The following FNBP1L variants were observed in gnomAD, a reference collection of about 807,000 sequenced individuals.
FNBP1L encodes formin binding protein 1 like.
In FNBP1L, 36 loss-of-function variants were observed where a neutral mutation model predicts 91.2. The ratio of observed to expected loss-of-function variants is 0.39; its 90% CI spans 0.30 to 0.52. The LOEUF is 0.52. FNBP1L is among the 20% of genes least tolerant of loss of function. The pLI, the probability that FNBP1L is intolerant of heterozygous loss-of-function variation, is 0.66. For synonymous variants in FNBP1L, 242 were observed against 237.0 expected, an observed-to-expected ratio of 1.02 and a Z score of -0.19; for missense variants, 571 against 732.1, an observed-to-expected ratio of 0.78 and a Z score of 2.54.
intron 3 of FNBP1L, among the ~76,000 whole-genome samples, chr1:93,522,865 A>AATGGG (rs1671377092): frequency 6.6e-6 from 1 of 152,290 alleles, no homozygotes; most frequent in South Asian, 2.1e-4. Context: ...TGTCAACTAT[A>AATGGG]ATGGCACTTC....
At chr1:93,495,630 C>T (rs549532229) in intron 1 of FNBP1L, among the ~76,000 whole-genome samples, 104 of 152,176 alleles carry the variant, frequency 6.8e-4, no homozygotes, top group African/African-American at 2.4e-3. Flanking sequence ...GGCTATTTAT[C>T]TTCTGGCTGT....
At chr1:93,483,080 C>T (rs1358123211) in intron 1 of FNBP1L, among the ~76,000 whole-genome samples, 1 of 150,320 alleles carries the variant, frequency 6.7e-6, no homozygotes. Flanking sequence ...CCTGTAGTCC[C>T]AGCTACTCAG....
chr1:93,554,593 C>G lies in FNBP1L; in HGVS notation c.*2177C>G, dbSNP rs1474369813. On this transcript the variant is annotated 3_prime_UTR_variant, in exon 17 of 17. Coordinates refer to ENST00000271234, the MANE Select transcript of FNBP1L (RefSeq NM_001164473.3). ...GTTGATTTCTTAATGGTAAATCCTT[C>G]ATTTAAAGATAGTGTTCTCTGTTGA... 1 of 152,552 alleles carries G rather than the reference C, an allele frequency of 6.6e-6. No individual in the cohort carries two copies. 9.4% of individuals were successfully genotyped at this position (152,552 alleles called of 1,614,324 possible).
chr1:93,546,119 C>T lies in FNBP1L; in HGVS notation c.1275-723C>T, dbSNP rs547641260. Among the ~76,000 whole-genome samples, 72 of 152,126 alleles carry T rather than the reference C, an allele frequency of 4.7e-4. 1 individual carries two copies. The highest frequency in any genetic ancestry group is 1.4e-3 in the Admixed American group (21 of 15,278). On this transcript the variant is annotated intron_variant, in intron 12 of 16. Coordinates refer to ENST00000271234, the MANE Select transcript of FNBP1L (RefSeq NM_001164473.3). ...ACTGTAGGAAGAGACGAGAAGAAAC[C>T]TTTGTCATTTTATGTAATACACATT...
At chr1:93,449,701 G>A (rs1168871245) in intron 1 of FNBP1L, among the ~76,000 whole-genome samples, 1 of 152,086 alleles carries the variant, frequency 6.6e-6, no homozygotes, top group Non-Finnish European at 1.5e-5. Context: ...CCTTCATTCC[G>A]TTTCTTAGAT....
chr1:93,490,060 A>G (rs866469832), intron 1 of FNBP1L, among the ~76,000 whole-genome samples: 6 of 152,338 alleles, frequency 3.9e-5, no homozygotes, highest in Middle Eastern at 3.4e-3. Context: ...GTTTTTTACC[A>G]AAAAGTACTT....
chr1:93,450,099 TTG>T (rs1388591760), intron 1 of FNBP1L, among the ~76,000 whole-genome samples: 1 of 152,172 alleles, frequency 6.6e-6, no homozygotes, highest in African/African-American at 2.4e-5. Context: ...AAAATTCACT[TTG>T]TATCACACTA....
chr1:93,550,351 A>G (rs1420300473), intron 15 of FNBP1L, among the ~76,000 whole-genome samples: 1 of 152,132 alleles, frequency 6.6e-6, no homozygotes, highest in Non-Finnish European at 1.5e-5. Context: ...CTATAATGTA[A>G]TCTAGAGAGT....
rs138589293 is a variant in FNBP1L, at chr1:93,529,909, A to C, written c.510+153A>C. Among the ~76,000 whole-genome samples, 348 of 152,292 alleles carry C rather than the reference A, an allele frequency of 2.3e-3. 2 individuals are homozygous for C. The highest frequency in any genetic ancestry group is 7.9e-3 in the African/African-American group (327 of 41,588). ...TACAAATATTTGCCAACTTTAAATTATACGTATTGGTCTGAGAAAGTAATA... is the reference window on the plus strand; with the variant it reads ...TACAAATATTTGCCAACTTTAAATTCTACGTATTGGTCTGAGAAAGTAATA... On this transcript the variant is annotated intron_variant, in intron 6 of 16. Coordinates refer to ENST00000271234, the MANE Select transcript of FNBP1L (RefSeq NM_001164473.3).
At chr1:93,550,687 C>T (rs574072488) in intron 15 of FNBP1L, among the ~76,000 whole-genome samples, 1 of 152,330 alleles carries the variant, frequency 6.6e-6, no homozygotes, top group African/African-American at 2.4e-5. Flanking sequence ...TGTAATGTCA[C>T]TGTGACTCAG....
intron 1 of FNBP1L, among the ~76,000 whole-genome samples, chr1:93,461,742 A>G (rs1401915209): frequency 6.6e-6 from 1 of 152,248 alleles, no homozygotes; most frequent in South Asian, 2.1e-4. Flanking sequence ...AGCAAAGAAT[A>G]TAAGATCTCT....
At chr1:93,478,927 G>C (rs141914137) in intron 1 of FNBP1L, among the ~76,000 whole-genome samples, 101 of 152,268 alleles carry the variant, frequency 6.6e-4, no homozygotes, top group Non-Finnish European at 1.4e-3. Context: ...GATACTTAAT[G>C]ATTTGACACA....
intron 1 of FNBP1L, among the ~76,000 whole-genome samples, chr1:93,471,094 A>G (rs1452168637): frequency 6.6e-6 from 1 of 152,190 alleles, no homozygotes; most frequent in Non-Finnish European, 1.5e-5. Flanking sequence ...TATTGTAGCT[A>G]CAAGTTGAGT....
chr1:93,469,625 C>T (rs1192609128), intron 1 of FNBP1L, among the ~76,000 whole-genome samples: 2 of 152,026 alleles, frequency 1.3e-5, no homozygotes, highest in African/African-American at 4.8e-5. Flanking sequence ...TGAATGTTCA[C>T]CATAAATTTC....
chr1:93,471,381 TA>T (rs1669280768), intron 1 of FNBP1L, among the ~76,000 whole-genome samples: 1 of 152,192 alleles, frequency 6.6e-6, no homozygotes, highest in South Asian at 2.1e-4. Context: ...TGTTTTGACT[TA>T]ATCATCTATG....
chr1:93,542,539 A>G (rs1020011400), intron 11 of FNBP1L, among the ~76,000 whole-genome samples: 3 of 151,390 alleles, frequency 2.0e-5, no homozygotes, highest in East Asian at 1.9e-4. Flanking sequence ...CACTGGGGAA[A>G]GAGGCTAGGG....
intron 1 of FNBP1L, among the ~76,000 whole-genome samples, chr1:93,460,841 TAA>T (rs1668835553): frequency 6.6e-6 from 1 of 152,224 alleles, no homozygotes; most frequent in African/African-American, 2.4e-5. Context: ...AAGAATAAGT[TAA>T]AGAGATCTAT....
At chr1:93,499,621 A>G (rs1417758862) in intron 2 of FNBP1L, 38 bp downstream of exon 2, 6 of 1,161,858 alleles carry the variant, frequency 5.2e-6, no homozygotes, top group Middle Eastern at 2.0e-4. Context: ...GAATGAAATT[A>G]CATGTTTAAA....
intron 1 of FNBP1L, among the ~76,000 whole-genome samples, chr1:93,491,083 G>A (rs1319573588): frequency 6.6e-6 from 1 of 151,966 alleles, no homozygotes; most frequent in Non-Finnish European, 1.5e-5. Flanking sequence ...GGGATTACAG[G>A]CATGGGCCAT....
Sources: gnomAD v4.1 joint callset for allele counts (sites outside exome capture counted in the v4.1 genomes callset) on GRCh38, gnomAD v4.1.1 for gene constraint, MANE v1.5 for transcripts, NCBI Gene and HGNC (gene_info 2026-07-23, HGNC 2026-07-21) for gene names.